Variants in B4GALNT4 observed in about 807,000 individuals in gnomAD.
The protein encoded by B4GALNT4 is beta-1,4-N-acetyl-galactosaminyltransferase 4.
B4GALNT4 carries 77 observed loss-of-function variants against 110.0 expected under a neutral mutation model. That is an observed-to-expected ratio of 0.70 (90% CI 0.58 to 0.85). The LOEUF is 0.85. Ranked by LOEUF, B4GALNT4 falls within the 40% of genes least tolerant of loss-of-function variation. The pLI, the probability that B4GALNT4 is intolerant of heterozygous loss-of-function variation, is 0.00. For missense variants in B4GALNT4, 1,575 were observed against 1,506.0 expected, an observed-to-expected ratio of 1.05 and a Z score of -0.76; for synonymous variants, 785 against 655.5, an observed-to-expected ratio of 1.20 and a Z score of -3.02.
In B4GALNT4 at chr11:375,878, C is replaced by G. The variant is rs776948204; in HGVS notation, c.1017C>G (p.Asn339Lys). Residue 339 changes from asparagine to lysine, a missense_variant, in exon 11 of 20, where the codon AAC becomes AAG. Coordinates refer to ENST00000329962, the MANE Select transcript of B4GALNT4 (RefSeq NM_178537.5). Reference sequence around the variant, plus strand: ...GCATGGAATCTTCGAGCCTGGAGAACGTGCTGGAGCCCTGCGCCTACGCCC... The same window carrying G: ...GCATGGAATCTTCGAGCCTGGAGAAGGTGCTGGAGCCCTGCGCCTACGCCC... ...TPRMESSSLE[N>K]VLEPCAYAPT... The G allele has an allele frequency of 1.9e-6, 3 of 1,611,536 alleles. No individual in the cohort carries two copies. In the South Asian group the frequency reaches 3.3e-5, roughly 18 times the overall value.
At chr11:375,339 C>G in intron 8 of B4GALNT4, 122 bp from the exon 9 acceptor site, 1 of 1,035,740 alleles carries the variant, frequency 9.7e-7, no homozygotes, top group Non-Finnish European at 1.5e-6. Context: ...CTGCCATCTC[C>G]TCTCCTGCAT....
chr11:379,591 G>A lies in B4GALNT4; in HGVS notation c.2378G>A (p.Ser793Asn), dbSNP rs778932374. Residue 793 changes from serine to asparagine, a missense_variant, in exon 15 of 20, where the codon AGT becomes AAT. Ser to Asn is a conservative substitution (Grantham distance 46). Coordinates refer to ENST00000329962, the MANE Select transcript of B4GALNT4 (RefSeq NM_178537.5). ...GARVGDADGE[S>N]PEPAPAASVR... ...CGCGTAGGGGATGCAGACGGAGAAA[G>A]TCCCGAACCCGCTCCCGCCGCCTCC... The A allele has an allele frequency of 6.3e-7, 1 of 1,578,292 alleles. No individual in the cohort carries two copies. Among genetic ancestry groups the A allele is most frequent in the Non-Finnish European group, 8.6e-7 (1 of 1,163,946 alleles).
At chr11:380,536 A>G in intron 18 of B4GALNT4, 91 bp downstream of exon 18, 1 of 1,498,396 alleles carries the variant, frequency 6.7e-7, no homozygotes, top group Admixed American at 2.0e-5. Flanking sequence ...CTCAATTCCC[A>G]GGGGAGGCCT....
chr11:370,010 G>GGGGGCGCGGGGGGCGCGGGCGGCGCGT (rs1846584764), intron 1 of B4GALNT4, 56 bp downstream of exon 1: 1 of 158,838 alleles, frequency 6.3e-6, no homozygotes, highest in Non-Finnish European at 1.1e-5. Context: ...GGGGGGCGCG[G>GGGGGCGCGGGGGGCGCGGGCGGCGCGT]GGGGCGCGGG....
In B4GALNT4 at chr11:378,235, C is replaced by G. The variant is rs147423818; in HGVS notation, c.2204+908C>G. On this transcript the variant is annotated intron_variant, in intron 14 of 19. Coordinates refer to ENST00000329962, the MANE Select transcript of B4GALNT4 (RefSeq NM_178537.5). The stretch of plus-strand genomic sequence containing the variant: ...GCATGATGGAAGGTTGCGAGCAGAG[C>G]AGGAATTCCACCGGTTTGGGTGCAG... 2.6e-5 allele frequency among the ~76,000 whole-genome samples: 4 copies of G among 152,302 alleles called. No homozygotes were observed. In the East Asian group the frequency reaches 7.7e-4, roughly 29 times the overall value.
At position 369,953 on chromosome 11, in the gene B4GALNT4, A is replaced by T; in HGVS notation, c.150A>T (p.Arg50=). ...RALRQRLGYG[R]DGEKLTSETD... is the part of the protein sequence containing the mutation. ...TGCGCCAGCGCCTGGGCTACGGGCG[A>T]GGTACGGCGCGGGGGGCGCGGGGGG... Residue 50 remains arginine (R), a splice_region_variant and synonymous_variant, in exon 1 of 20, where the codon CGA becomes CGT. Transcript: ENST00000329962. The T allele has an allele frequency of 1.2e-6, 1 of 812,766 alleles. No individual in the cohort carries two copies. Among genetic ancestry groups the T allele is most frequent in the Non-Finnish European group, 1.4e-6 (1 of 705,090 alleles). The allele number at this position is 812,766 out of a possible 1,614,324, so 50.3% of individuals were successfully genotyped here.
In B4GALNT4 at chr11:372,742, A is replaced by T; in HGVS notation, c.336A>T (p.Pro112=). Residue 112 remains proline, a synonymous_variant, in exon 3 of 20, where the codon CCA becomes CCT. Coordinates refer to ENST00000329962, the MANE Select transcript of B4GALNT4 (RefSeq NM_178537.5). ...LPLNFTHQTP[P]WREEYKGQVN... ...TGAACTTCACCCATCAGACACCCCCATGGCGGGAGGAGGTGAGCTGGCTCG... is the reference window on the plus strand; with the variant it reads ...TGAACTTCACCCATCAGACACCCCCTTGGCGGGAGGAGGTGAGCTGGCTCG... 6 of 1,468,962 alleles carry T rather than the reference A, an allele frequency of 4.1e-6. No homozygotes were observed. Among genetic ancestry groups the T allele is most frequent in the Non-Finnish European group, 5.4e-6 (6 of 1,102,054 alleles). The allele number at this position is 1,468,962 out of a possible 1,614,324, so 91.0% of individuals were successfully genotyped here. A position where few individuals can be genotyped will look rare whatever the true frequency, so the allele number is the denominator to read the frequency against.
At position 375,788 on chromosome 11, in the gene B4GALNT4, G is replaced by C. The variant is rs1343182309; in HGVS notation, c.985+15G>C. The C allele has an allele frequency of 8.1e-6, 13 of 1,600,538 alleles. No homozygotes were observed. The highest frequency in any genetic ancestry group is 1.1e-5 in the Non-Finnish European group (13 of 1,176,888). On this transcript the variant is annotated intron_variant, in intron 10 of 19. Coordinates refer to ENST00000329962, the MANE Select transcript of B4GALNT4 (RefSeq NM_178537.5). ...CTTTTTCCTCAGTGAGAGGGGGCCC[G>C]CGCGGGGGCGAGGGCGGGGGTGCCT...
At chr11:375,987 C>A (rs1846738886) in intron 11 of B4GALNT4, 31 bp downstream of exon 11, 1 of 1,606,824 alleles carries the variant, frequency 6.2e-7, no homozygotes, top group Non-Finnish European at 8.5e-7. Context: ...CGTCTCCCGT[C>A]CGGGACTCCG....
Position 376,681 on chromosome 11 carries a change from CA to C in B4GALNT4, c.1559del (p.Gln520ArgfsTer8), listed in dbSNP as rs1471926377. The C allele has an allele frequency of 7.0e-7, 1 of 1,427,252 alleles. No individual in the cohort carries two copies. The highest frequency in any genetic ancestry group is 9.1e-7 in the Non-Finnish European group (1 of 1,094,960). The allele number at this position is 1,427,252 out of a possible 1,614,324, so 88.4% of individuals were successfully genotyped here. A position where few individuals can be genotyped will look rare whatever the true frequency, so the allele number is the denominator to read the frequency against. Reference protein sequence around the residue: ...RAPPPRPAVEQPPPKVYVTRV... With the variant: ...RAPPPRPAVEXPPPKVYVTRV... ...TCCGCCCCCGCGCCCTGCAGTGGAG[CA>C]GCCGCCCCCAAAGGTGTACGTGACC... On this transcript the variant is annotated frameshift_variant, in exon 14 of 20. Transcript: ENST00000329962. LOFTEE classifies it high-confidence loss of function.
rs1317088530 is a variant in B4GALNT4 at position 376,433 on chromosome 11, A to T, written c.1310A>T (p.Asp437Val). 8 of 1,597,312 alleles carry T rather than the reference A, an allele frequency of 5.0e-6. No homozygotes were observed. In the East Asian group the frequency reaches 1.6e-4, roughly 31 times the overall value. The change falls in exon 14 of 20, where the codon GAC becomes GTC. Residue 437 changes from aspartate to valine, a missense_variant. By Grantham distance (152) the Asp-to-Val change is radical. Coordinates refer to ENST00000329962, the MANE Select transcript of B4GALNT4 (RefSeq NM_178537.5). ...GCGTTTCCCGCAGACTTCCTGGACG[A>T]CGAGGACGAGGGGGAGCTGCTCGAC... ...LFLNPDDFLD[D>V]EDEGELLDSL...
In B4GALNT4 at chr11:379,596, GA is replaced by G. The variant is rs1846828915; in HGVS notation, c.2385del (p.Glu795AspfsTer28). 6.4e-7 allele frequency: 1 copy of G among 1,573,452 alleles called. No homozygotes were observed. On this transcript the variant is annotated frameshift_variant, in exon 15 of 20. Transcript: ENST00000329962. LOFTEE classifies it high-confidence loss of function. ...AGGGGATGCAGACGGAGAAAGTCCCGAACCCGCTCCCGCCGCCTCCGTGCGC... is the reference window on the plus strand; with the variant it reads ...AGGGGATGCAGACGGAGAAAGTCCCGACCCGCTCCCGCCGCCTCCGTGCGC... ...RVGDADGESP[E>X]PAPAASVRPD...
rs772540326 is a variant in B4GALNT4, at chr11:380,693, A to G, written c.2870-132A>G. The G allele has an allele frequency of 2.8e-6, 4 of 1,451,170 alleles. No individual in the cohort carries two copies. The East Asian group carries it at 6.8e-5, about 25-fold the overall frequency. 89.9% of individuals were successfully genotyped at this position (1,451,170 alleles called of 1,614,324 possible). A position where few individuals can be genotyped will look rare whatever the true frequency, so the allele number is the denominator to read the frequency against. On this transcript the variant is annotated intron_variant, in intron 18 of 19. Transcript: ENST00000329962. ...CAGGGTCATGACCCAGTACCACCGG[A>G]CGACTCCCGGAAGCCCCCGTGGTGA... is the stretch of plus-strand genomic sequence containing the variant.
chr11:369,912 C>G lies in B4GALNT4; in HGVS notation c.109C>G (p.Arg37Gly). The stretch of plus-strand genomic sequence containing the variant: ...CACCTACGTGCACCTGGGCCTGGTG[C>G]GCCAGGGACGCGCGCTGCGCCAGCG... ...WLTYVHLGLV[R>G]QGRALRQRLG... The change falls in exon 1 of 20, where the codon CGC becomes GGC. Residue 37 changes from arginine to glycine, a missense_variant. Arg to Gly is a moderately radical substitution (Grantham distance 125). Transcript: ENST00000329962. The G allele has an allele frequency of 1.0e-6, 1 of 981,554 alleles. No individual in the cohort carries two copies. Among genetic ancestry groups the G allele is most frequent in the Non-Finnish European group, 1.2e-6 (1 of 829,382 alleles). 60.8% of individuals were successfully genotyped at this position (981,554 alleles called of 1,614,324 possible). A position where few individuals can be genotyped will look rare whatever the true frequency, so the allele number is the denominator to read the frequency against.
chr11:373,419 C>CCG, intron 6 of B4GALNT4, 30 bp from the exon 7 acceptor site: 1 of 1,080,026 alleles, frequency 9.3e-7, no homozygotes, highest in Non-Finnish European at 1.3e-6. Context: ...CCCCCCCCCC[C>CCG]ACCACCACCC....
Position 369,794 on chromosome 11 carries a change from G to A in B4GALNT4, c.-10G>A. On this transcript the variant is annotated 5_prime_UTR_variant, in exon 1 of 20. Coordinates refer to ENST00000329962, the MANE Select transcript of B4GALNT4 (RefSeq NM_178537.5). ...GCTGAGCGCGGCCTGGGGCGGGCGCGGCGGCCGCGATGCCGCGGCTCCCGG... is the reference window on the plus strand; with the variant it reads ...GCTGAGCGCGGCCTGGGGCGGGCGCAGCGGCCGCGATGCCGCGGCTCCCGG... 1.0e-6 allele frequency: 1 copy of A among 979,088 alleles called. No homozygotes were observed. Among genetic ancestry groups the A allele is most frequent in the Non-Finnish European group, 1.2e-6 (1 of 827,274 alleles). The allele number at this position is 979,088 out of a possible 1,614,324, so 60.7% of individuals were successfully genotyped here. A position where few individuals can be genotyped will look rare whatever the true frequency, so the allele number is the denominator to read the frequency against.
Position 376,865 on chromosome 11 carries a change from G to C in B4GALNT4, c.1742G>C (p.Gly581Ala). The C allele has an allele frequency of 7.6e-7, 1 of 1,322,340 alleles. No individual in the cohort carries two copies. Among genetic ancestry groups the C allele is most frequent in the Non-Finnish European group, 9.6e-7 (1 of 1,039,152 alleles). 81.9% of individuals were successfully genotyped at this position (1,322,340 alleles called of 1,614,324 possible). Residue 581 changes from glycine (G) to alanine (A), a missense_variant, in exon 14 of 20, where the codon GGC (glycine) becomes GCC (alanine). Physicochemically the swap from Gly to Ala is moderately conservative, Grantham distance 60. Coordinates refer to ENST00000329962, the MANE Select transcript of B4GALNT4 (RefSeq NM_178537.5). ...PPRPHGRRTG[G>A]PQATQPRPPA... Reference sequence around the variant, plus strand: ...CGGCCCCACGGCCGCAGGACCGGCGGCCCCCAGGCCACACAGCCGAGGCCC... The same window carrying C: ...CGGCCCCACGGCCGCAGGACCGGCGCCCCCCAGGCCACACAGCCGAGGCCC...
Position 380,820 on chromosome 11 carries a change from C to T in B4GALNT4, c.2870-5C>T. On this transcript the variant is annotated splice_polypyrimidine_tract_variant and splice_region_variant and intron_variant, in intron 18 of 19. Coordinates refer to ENST00000329962, the MANE Select transcript of B4GALNT4 (RefSeq NM_178537.5). ...AGGGTAGCACCCCTCACCCTCCCGCCCCAGGTTACTGGGAGGTGAACGGCT... is the reference window on the plus strand; with the variant it reads ...AGGGTAGCACCCCTCACCCTCCCGCTCCAGGTTACTGGGAGGTGAACGGCT... 3 of 1,613,864 alleles carry T rather than the reference C, an allele frequency of 1.9e-6. No homozygotes were observed. The highest frequency in any genetic ancestry group is 1.1e-5 in the South Asian group (1 of 91,084).
chr11:373,142 G>A, intron 5 of B4GALNT4, 26 bp downstream of exon 5: 1 of 1,612,448 alleles, frequency 6.2e-7, no homozygotes, highest in Non-Finnish European at 8.5e-7. Context: ...TGCCCCGGGG[G>A]AGGGGTGCCG....
Sources: gnomAD v4.1 joint callset for allele counts (sites outside exome capture counted in the v4.1 genomes callset) on GRCh38, gnomAD v4.1.1 for gene constraint, MANE v1.5 for transcripts, NCBI Gene and HGNC (gene_info 2026-07-23, HGNC 2026-07-21) for gene names.